Variants in PTPRD observed in about 807,000 individuals in gnomAD.
The protein encoded by PTPRD is receptor-type tyrosine-protein phosphatase delta.
A neutral mutation model predicts 214.5 loss-of-function variants in PTPRD; 34 were observed. The observed-to-expected ratio is 0.16, with a 90% confidence interval of 0.12 to 0.21. PTPRD has a LOEUF of 0.21. Ranked by LOEUF, PTPRD falls within the 10% of genes least tolerant of loss-of-function variation. The pLI is 1.00. For missense variants in PTPRD, 2,545 were observed against 2,398.7 expected (o/e 1.06, Z -1.27); for synonymous variants, 1,128 against 845.7 (o/e 1.33, Z -5.79).
chr9:8,419,354 T>C (rs866760299), intron 35 of PTPRD, among the ~76,000 whole-genome samples: 1 of 152,152 alleles, frequency 6.6e-6, no homozygotes, highest in Middle Eastern at 3.2e-3. Context: ...ACCTATTGTT[T>C]ATTAAGAAAA....
chr9:9,712,925 G>A (rs1564702264), intron 7 of PTPRD, among the ~76,000 whole-genome samples: 1 of 152,130 alleles, frequency 6.6e-6, no homozygotes, highest in Non-Finnish European at 1.5e-5. Flanking sequence ...ATGTATCCTT[G>A]TATAAGAAAT....
intron 2 of PTPRD, among the ~76,000 whole-genome samples, chr9:10,505,470 G>A (rs189453729): frequency 6.6e-6 from 1 of 152,134 alleles, no homozygotes; most frequent in South Asian, 2.1e-4. Flanking sequence ...ATCAGCCACT[G>A]AGTCAAACAG....
At chr9:9,707,248 A>G (rs2097639553) in intron 7 of PTPRD, among the ~76,000 whole-genome samples, 1 of 152,208 alleles carries the variant, frequency 6.6e-6, no homozygotes, top group Non-Finnish European at 1.5e-5. Flanking sequence ...TTGTTAATTA[A>G]AACCAGTGTG....
chr9:10,239,488 G>A (rs150653070), intron 3 of PTPRD, among the ~76,000 whole-genome samples: 246 of 152,020 alleles, frequency 1.6e-3, no homozygotes, highest in African/African-American at 5.5e-3. Context: ...TTCATTTTAA[G>A]TGGGGGATTT....
chr9:9,437,667 A>T (rs530941777), intron 8 of PTPRD, among the ~76,000 whole-genome samples: 1 of 152,254 alleles, frequency 6.6e-6, no homozygotes, highest in South Asian at 2.1e-4. Context: ...ATCACATTAA[A>T]GATAAACAGA....
chr9:10,144,805 CA>C (rs372752424), intron 3 of PTPRD, among the ~76,000 whole-genome samples: 9 of 151,834 alleles, frequency 5.9e-5, no homozygotes, highest in African/African-American at 1.5e-4. Context: ...ATAATGTTAA[CA>C]AAAAAATCAT....
chr9:8,821,370 G>A (rs1188946907), intron 11 of PTPRD, among the ~76,000 whole-genome samples: 1 of 152,098 alleles, frequency 6.6e-6, no homozygotes, highest in African/African-American at 2.4e-5. Context: ...CTGCTGTGCT[G>A]AATGTGGGTG....
At chr9:8,720,684 T>C (rs72702303) in intron 12 of PTPRD, among the ~76,000 whole-genome samples, 9,281 of 151,894 alleles carry the variant, frequency 0.061, 835 homozygotes, top group African/African-American at 0.2. Context: ...TCCAAATTGA[T>C]GTGTTTTTTT....
chr9:10,366,163 G>A (rs2097511912), intron 2 of PTPRD, among the ~76,000 whole-genome samples: 1 of 152,174 alleles, frequency 6.6e-6, no homozygotes, highest in Non-Finnish European at 1.5e-5. Context: ...CTGTAGTGCT[G>A]CTGATATATG....
intron 11 of PTPRD, among the ~76,000 whole-genome samples, chr9:8,944,720 A>T (rs762461616): frequency 9.2e-5 from 14 of 152,072 alleles, no homozygotes; most frequent in South Asian, 2.1e-4. Flanking sequence ...ATTCATGGAG[A>T]TAGGATGACG....
chr9:9,985,191 C>G (rs533620689), intron 4 of PTPRD, among the ~76,000 whole-genome samples: 1 of 152,278 alleles, frequency 6.6e-6, no homozygotes, highest in Non-Finnish European at 1.5e-5. Flanking sequence ...GGTCTGAACC[C>G]CAGCCTTGAG....
intron 11 of PTPRD, among the ~76,000 whole-genome samples, chr9:8,786,613 C>A (rs2095986040): frequency 6.6e-6 from 1 of 151,232 alleles, no homozygotes; most frequent in Admixed American, 6.6e-5. Context: ...CGGGGTTTCA[C>A]CACGTTGGCG....
chr9:8,385,218 C>A (rs2135438499), intron 37 of PTPRD, among the ~76,000 whole-genome samples: 1 of 152,246 alleles, frequency 6.6e-6, no homozygotes, highest in East Asian at 1.9e-4. Flanking sequence ...AACCTCAGAC[C>A]TGAGCGACAG....
intron 11 of PTPRD, among the ~76,000 whole-genome samples, chr9:8,741,538 G>T (rs1259410546): frequency 1.4e-5 from 2 of 138,096 alleles, no homozygotes; most frequent in Non-Finnish European, 3.1e-5. Flanking sequence ...ACAGAACATG[G>T]ATTCTATTAT....
At chr9:10,538,260 AAAT>A (rs2058309735) in intron 2 of PTPRD, among the ~76,000 whole-genome samples, 1 of 142,478 alleles carries the variant, frequency 7.0e-6, no homozygotes, top group African/African-American at 2.8e-5. Context: ...ATAAATAAAT[AAAT>A]AAATAAATAA....
chr9:9,471,062 G>A (rs1477102833), intron 8 of PTPRD, among the ~76,000 whole-genome samples: 1 of 152,156 alleles, frequency 6.6e-6, no homozygotes, highest in Non-Finnish European at 1.5e-5. Context: ...GGGTCTAACA[G>A]AACTGATAAA....
chr9:8,382,282 C>T (rs1461652594), intron 37 of PTPRD, among the ~76,000 whole-genome samples: 4 of 152,128 alleles, frequency 2.6e-5, no homozygotes, highest in Non-Finnish European at 1.5e-5. Context: ...AACATTGGAC[C>T]CTAAACACTA....
chr9:9,051,148 A>G (rs1332994020), intron 10 of PTPRD, among the ~76,000 whole-genome samples: 1 of 152,186 alleles, frequency 6.6e-6, no homozygotes. Flanking sequence ...TTAACAATAT[A>G]AGTGAGCAAT....
At chr9:8,949,979 G>C (rs766522945) in intron 11 of PTPRD, among the ~76,000 whole-genome samples, 8 of 152,142 alleles carry the variant, frequency 5.3e-5, no homozygotes, top group Non-Finnish European at 8.8e-5. Flanking sequence ...GTAGTACAGG[G>C]AGATTGTCTA....
Sources: allele counts gnomAD v4.1 joint callset (sites outside exome capture counted in the v4.1 genomes callset), GRCh38; gene constraint gnomAD v4.1.1; transcripts MANE v1.5; gene names NCBI Gene and HGNC (gene_info 2026-07-23, HGNC 2026-07-21).